Variants in YEATS4 observed in about 807,000 individuals in gnomAD.
YEATS4 encodes YEATS domain containing 4.
Under a neutral mutation model 30.1 loss-of-function variants are expected in YEATS4, and 17 were observed. The observed-to-expected ratio is 0.56, with a 90% CI of 0.39 to 0.85. The LOEUF (loss-of-function observed/expected upper bound fraction) is 0.85, where lower values mean the gene tolerates loss of function less well. Among genes scored for constraint, YEATS4 ranks in the 40% least tolerant of loss-of-function variants. The pLI is 0.00. For missense variants in YEATS4, 142 were observed against 268.3 expected, an observed-to-expected ratio of 0.53 and a Z score of 3.29; for synonymous variants, 85 against 87.5, an observed-to-expected ratio of 0.97 and a Z score of 0.16.
chr12:69,374,058 T>C (rs1444960972), intron 6 of YEATS4, among the ~76,000 whole-genome samples: 1 of 152,220 alleles, frequency 6.6e-6, no homozygotes, highest in African/African-American at 2.4e-5. Context: ...AGTCAGGTGA[T>C]TCCTCCAGTT....
chr12:69,383,263 CAA>C (rs200862360), intron 6 of YEATS4, among the ~76,000 whole-genome samples: 1 of 142,766 alleles, frequency 7.0e-6, no homozygotes. Context: ...GATTCTGTCT[CAA>C]AAAAAAAAAG....
At chr12:69,398,318 C>CA in the YEATS4 span, among the ~76,000 whole-genome samples, 3 of 150,988 alleles carry the variant, frequency 2.0e-5, no homozygotes, top group African/African-American at 7.3e-5. Context: ...TACACACACA[C>CA]ACACAAAAAA....
the YEATS4 span, among the ~76,000 whole-genome samples, chr12:69,405,702 T>C: frequency 6.7e-3 from 1,018 of 152,346 alleles, 13 homozygotes; most frequent in African/African-American, 0.023. Context: ...GGATGATTCA[T>C]GCCCTGGGCA....
chr12:69,408,179 C>G, the YEATS4 span, among the ~76,000 whole-genome samples: 3,603 of 152,276 alleles, frequency 0.024, 134 homozygotes, highest in African/African-American at 0.08. Flanking sequence ...CTGGGAGATA[C>G]TGTTGGGCAT....
intron 6 of YEATS4, among the ~76,000 whole-genome samples, chr12:69,387,167 A>T (rs1435277385): frequency 1.3e-5 from 2 of 152,240 alleles, no homozygotes; most frequent in African/African-American, 2.4e-5. Flanking sequence ...ATAACCCAAT[A>T]GGAAAATGAG....
At chr12:69,414,708 A>G in the YEATS4 span, among the ~76,000 whole-genome samples, 2 of 152,356 alleles carry the variant, frequency 1.3e-5, no homozygotes, top group African/African-American at 4.8e-5. Context: ...AGGACAATGC[A>G]CTGACTTCTT....
At chr12:69,403,003 G>A in the YEATS4 span, among the ~76,000 whole-genome samples, 4,186 of 151,800 alleles carry the variant, frequency 0.028, 192 homozygotes, top group African/African-American at 0.096. Context: ...GATTACAGGC[G>A]TGAGCCACCA....
At chr12:69,424,360 T>C in the YEATS4 span, among the ~76,000 whole-genome samples, 1 of 152,180 alleles carries the variant, frequency 6.6e-6, no homozygotes, top group African/African-American at 2.4e-5. Flanking sequence ...GGATGCATAC[T>C]CTTGGTTAAT....
chr12:69,404,867 C>A, the YEATS4 span, among the ~76,000 whole-genome samples: 2 of 152,186 alleles, frequency 1.3e-5, no homozygotes, highest in Admixed American at 1.3e-4. Context: ...GTGCTTAACC[C>A]AATCCGGATT....
intron 6 of YEATS4, among the ~76,000 whole-genome samples, chr12:69,371,358 TTTATC>T (rs2120957416): frequency 6.6e-6 from 1 of 152,336 alleles, no homozygotes; most frequent in South Asian, 2.1e-4. Context: ...TGTGAACTAG[TTTATC>T]TTATATTTTT....
the YEATS4 span, among the ~76,000 whole-genome samples, chr12:69,397,626 A>AACTG: frequency 2.6e-5 from 4 of 152,218 alleles, no homozygotes; most frequent in Non-Finnish European, 5.9e-5. Context: ...AGCCATGTGG[A>AACTG]ACTGTGAGTC....
chr12:69,395,549 A>G (rs1222325411), downstream of YEATS4, among the ~76,000 whole-genome samples: 2 of 93,038 alleles, frequency 2.1e-5, no homozygotes, highest in Non-Finnish European at 4.3e-5. Context: ...CAAACTTAAC[A>G]GGAAGAATTT....
the YEATS4 span, among the ~76,000 whole-genome samples, chr12:69,425,556 A>C: frequency 6.6e-6 from 1 of 152,074 alleles, no homozygotes. Context: ...ACTGCTTCTC[A>C]AGTCAGTCCA....
chr12:69,360,158 A>T, intron 1 of YEATS4, 135 bp downstream of exon 1: 1 of 978,858 alleles, frequency 1.0e-6, no homozygotes. Flanking sequence ...CAGGTTGGAG[A>T]GCGAGTCAGA....
chr12:69,426,125 C>T, the YEATS4 span, among the ~76,000 whole-genome samples: 1 of 152,002 alleles, frequency 6.6e-6, no homozygotes, highest in Non-Finnish European at 1.5e-5. Context: ...GCCTGTAGAC[C>T]CAAATACTTG....
intron 6 of YEATS4, among the ~76,000 whole-genome samples, chr12:69,389,193 T>C (rs1868286129): frequency 6.6e-6 from 1 of 152,122 alleles, no homozygotes; most frequent in African/African-American, 2.4e-5. Context: ...CTTATGCCTG[T>C]AATCCCCGCA....
At chr12:69,367,903 C>A (rs1875498246) in intron 4 of YEATS4, among the ~76,000 whole-genome samples, 1 of 152,068 alleles carries the variant, frequency 6.6e-6, no homozygotes, top group Non-Finnish European at 1.5e-5. Flanking sequence ...TGCTGCCTTA[C>A]CTCCCTGTCT....
At chr12:69,392,182 G>A (rs552279399), downstream of YEATS4, among the ~76,000 whole-genome samples, 1 of 152,234 alleles carries the variant, frequency 6.6e-6, no homozygotes, top group African/African-American at 2.4e-5. Context: ...GAAGTGTATC[G>A]CATTTCACTT....
chr12:69,360,591 A>T (rs1592845072), intron 1 of YEATS4, among the ~76,000 whole-genome samples: 1 of 152,212 alleles, frequency 6.6e-6, no homozygotes, highest in Non-Finnish European at 1.5e-5. Context: ...TTTGTTTTTG[A>T]TGAAATTACC....
Sources: gnomAD v4.1 joint callset for allele counts (sites outside exome capture counted in the v4.1 genomes callset) on GRCh38, gnomAD v4.1.1 for gene constraint, MANE v1.5 for transcripts, NCBI Gene and HGNC (gene_info 2026-07-23, HGNC 2026-07-21) for gene names.